Variants in NMBR observed in about 807,000 individuals in gnomAD.
The protein encoded by NMBR is neuromedin B receptor, also known as neuromedin-B receptor.
Under a neutral mutation model 20.5 loss-of-function variants are expected in NMBR, and 16 were observed. That is an observed-to-expected ratio of 0.78 (90% CI 0.53 to 1.19). The LOEUF (loss-of-function observed/expected upper bound fraction) is 1.19. Ranked by LOEUF, NMBR falls within the 50% of genes most tolerant of loss-of-function variation. The pLI, the probability that NMBR is intolerant of heterozygous loss-of-function variation, is 0.00. For synonymous variants in NMBR, 212 were observed against 196.6 expected, an observed-to-expected ratio of 1.08 and a Z score of -0.65; for missense variants, 582 against 499.1, an observed-to-expected ratio of 1.17 and a Z score of -1.58.
chr6:142,112,117 G>C (rs1404165067), intron 1 of NMBR, among the ~76,000 whole-genome samples: 1 of 152,136 alleles, frequency 6.6e-6, no homozygotes, highest in African/African-American at 2.4e-5. Flanking sequence ...GCTTGAGGCT[G>C]GGAGTTCGAG....
At chr6:142,104,082 T>C (rs1372068044) in intron 1 of NMBR, among the ~76,000 whole-genome samples, 2 of 152,194 alleles carry the variant, frequency 1.3e-5, no homozygotes, top group Admixed American at 1.3e-4. Flanking sequence ...ACTGACTATG[T>C]CGGCCATACT....
At chr6:142,105,341 C>T (rs1777642608) in intron 1 of NMBR, among the ~76,000 whole-genome samples, 2 of 152,048 alleles carry the variant, frequency 1.3e-5, no homozygotes, top group South Asian at 4.1e-4. Flanking sequence ...AGAGGCCTGA[C>T]AATTAATACT....
chr6:142,139,847 A>T (rs1582866645), intron 1 of NMBR, among the ~76,000 whole-genome samples: 1 of 152,280 alleles, frequency 6.6e-6, no homozygotes, highest in Non-Finnish European at 1.5e-5. Context: ...ATAAAAACTA[A>T]TTTTTCTGAC....
intron 1 of NMBR, among the ~76,000 whole-genome samples, chr6:142,116,595 T>A (rs1371286150): frequency 6.6e-6 from 1 of 152,062 alleles, no homozygotes; most frequent in Non-Finnish European, 1.5e-5. Context: ...GATTCCCAAC[T>A]GTTCTGTCTA....
Position 142,141,654 on chromosome 6 carries a change from G to A in NMBR, c.-664+5390C>T, listed in dbSNP as rs376716114. ...CGAATAGCTGGGATTACAGGCACCC[G>A]CCACTACACCCAGCTAATTTTTTGT... On this transcript the variant is annotated intron_variant, in intron 1 of 3. Transcript: ENST00000258042. Among the ~76,000 whole-genome samples, 10 of 151,898 alleles carry A rather than the reference G, an allele frequency of 6.6e-5. No homozygotes were observed. In the East Asian group the frequency reaches 1.9e-3, roughly 29 times the overall value.
intron 1 of NMBR, among the ~76,000 whole-genome samples, chr6:142,104,558 A>G (rs1288328663): frequency 6.6e-6 from 1 of 152,234 alleles, no homozygotes; most frequent in Non-Finnish European, 1.5e-5. Flanking sequence ...TGACCAAAAT[A>G]GGATCACAGG....
rs765819837 is a variant in NMBR at position 142,089,079 on chromosome 6, C to A, written c.-421G>T. ...CAGAAGTCATCCTGGCGCTGTCCAG[C>A]GGGCCGCAGCTGAAATCCCGGGAAC... On this transcript the variant is annotated 5_prime_UTR_variant, in exon 2 of 4. Coordinates refer to ENST00000258042, the MANE Select transcript of NMBR (RefSeq NM_002511.4). 32 of 167,356 alleles carry A rather than the reference C, an allele frequency of 1.9e-4. No individual in the cohort carries two copies. The highest frequency in any genetic ancestry group is 5.9e-4 in the South Asian group (4 of 6,820). 10.4% of individuals were successfully genotyped at this position (167,356 alleles called of 1,614,324 possible).
At chr6:142,137,261 T>A (rs1028448132) in intron 1 of NMBR, among the ~76,000 whole-genome samples, 4 of 152,192 alleles carry the variant, frequency 2.6e-5, no homozygotes, top group Non-Finnish European at 4.4e-5. Context: ...GAAGCAATTG[T>A]GAATGGGAGT....
In NMBR at chr6:142,088,726, C is replaced by T; in HGVS notation, c.-68G>A. The T allele has an allele frequency of 1.4e-6, 2 of 1,410,398 alleles. No homozygotes were observed. The highest frequency in any genetic ancestry group is 4.7e-5 in the East Asian group (2 of 42,630). The allele number at this position is 1,410,398 out of a possible 1,614,324, so 87.4% of individuals were successfully genotyped here. The stretch of plus-strand genomic sequence containing the variant: ...CGGTGCCCTGAGGACTGAACGCCCA[C>T]GATTTAGGTTTAATCGATGTCCCTC... On this transcript the variant is annotated 5_prime_UTR_variant, in exon 2 of 4. In the 5' UTR this introduces an upstream ATG that the reference lacks. Coordinates refer to ENST00000258042, the MANE Select transcript of NMBR (RefSeq NM_002511.4).
rs1368604758 is a variant in NMBR, at chr6:142,075,292, T to G, written c.*356A>C. Among the ~76,000 whole-genome samples, 1 of 152,150 alleles carries G rather than the reference T, an allele frequency of 6.6e-6. No individual in the cohort carries two copies. The highest frequency in any genetic ancestry group is 1.5e-5 in the Non-Finnish European group (1 of 68,016). On this transcript the variant is annotated 3_prime_UTR_variant, in exon 4 of 4. Coordinates refer to ENST00000258042, the MANE Select transcript of NMBR (RefSeq NM_002511.4). ...TAAGACAAATATGCTAGAACTGGCT[T>G]TAGCAACAGCCTAAATACTAAAGCA...
intron 1 of NMBR, chr6:142,134,846 C>A (rs1209806893): frequency 3.1e-6 from 2 of 648,274 alleles, no homozygotes; most frequent in Admixed American, 5.5e-5. Context: ...ACATTTACAA[C>A]AATTACAATT....
At chr6:142,135,604 C>T (rs1778239502) in intron 1 of NMBR, among the ~76,000 whole-genome samples, 2 of 150,708 alleles carry the variant, frequency 1.3e-5, no homozygotes, top group Admixed American at 6.6e-5. Flanking sequence ...ATTAACTCGT[C>T]ATTTAGCATT....
intron 1 of NMBR, among the ~76,000 whole-genome samples, chr6:142,135,349 A>G (rs953123864): frequency 6.6e-6 from 1 of 152,232 alleles, no homozygotes; most frequent in African/African-American, 2.4e-5. Flanking sequence ...TGAGGGTGTA[A>G]TTATTTTGCA....
intron 1 of NMBR, among the ~76,000 whole-genome samples, chr6:142,114,426 T>C (rs1393510441): frequency 2.0e-5 from 3 of 152,136 alleles, no homozygotes; most frequent in Non-Finnish European, 4.4e-5. Context: ...ATGAGAATGA[T>C]GGATCATGCT....
chr6:142,145,620 T>C (rs1778418851), intron 1 of NMBR, among the ~76,000 whole-genome samples: 1 of 127,918 alleles, frequency 7.8e-6, no homozygotes, highest in African/African-American at 2.8e-5. Flanking sequence ...TTACTTTAAG[T>C]TGTGGTAGAG....
At chr6:142,101,222 G>A (rs1582847343) in intron 1 of NMBR, among the ~76,000 whole-genome samples, 1 of 152,192 alleles carries the variant, frequency 6.6e-6, no homozygotes, top group South Asian at 2.1e-4. Flanking sequence ...TCAATGATTA[G>A]CACAAGAGCA....
At chr6:142,123,634 A>T (rs1374518091) in intron 1 of NMBR, among the ~76,000 whole-genome samples, 1 of 151,898 alleles carries the variant, frequency 6.6e-6, no homozygotes, top group Non-Finnish European at 1.5e-5. Context: ...CCAACATCCC[A>T]ATCAGTCAGC....
At chr6:142,146,857 G>A (rs751482934) in intron 1 of NMBR, among the ~76,000 whole-genome samples, 187 bp downstream of exon 1, 1 of 152,148 alleles carries the variant, frequency 6.6e-6, no homozygotes, top group Non-Finnish European at 1.5e-5. Flanking sequence ...ACTGCTATAT[G>A]GAATATTAAT....
chr6:142,095,484 T>G (rs1046976039), intron 1 of NMBR, among the ~76,000 whole-genome samples: 1 of 152,216 alleles, frequency 6.6e-6, no homozygotes, highest in African/African-American at 2.4e-5. Context: ...GAACCAGCCT[T>G]GCATCCCAGG....
Sources: gnomAD v4.1 joint callset for allele counts (sites outside exome capture counted in the v4.1 genomes callset) on GRCh38, gnomAD v4.1.1 for gene constraint, MANE v1.5 for transcripts, NCBI Gene and HGNC (gene_info 2026-07-23, HGNC 2026-07-21) for gene names.